Variants in CSMD1 observed in about 807,000 individuals in gnomAD.
The protein encoded by CSMD1 is CUB and Sushi multiple domains 1, also known as CUB and sushi domain-containing protein 1.
CSMD1 carries 213 observed loss-of-function variants against 417.5 expected under a neutral mutation model. That is an observed-to-expected ratio of 0.51 (90% CI 0.46 to 0.57). The LOEUF (loss-of-function observed/expected upper bound fraction) is 0.57. Among genes scored for constraint, CSMD1 ranks in the 20% least tolerant of loss-of-function variants. The pLI, the probability that CSMD1 is intolerant of heterozygous loss-of-function variation, is 0.00. For synonymous variants in CSMD1, 2,862 were observed against 1,736.8 expected, an observed-to-expected ratio of 1.65 and a Z score of -16.11; for missense variants, 6,923 against 4,529.7, an observed-to-expected ratio of 1.53 and a Z score of -15.17.
At chr8:3,721,296 C>A (rs17067134) in intron 6 of CSMD1, among the ~76,000 whole-genome samples, 4,600 of 152,164 alleles carry the variant, frequency 0.03, 230 homozygotes, top group African/African-American at 0.1. Context: ...AGATGAGTGG[C>A]CACATATTCG....
chr8:4,045,387 G>C (rs1798098441), intron 3 of CSMD1, among the ~76,000 whole-genome samples: 2 of 152,154 alleles, frequency 1.3e-5, no homozygotes, highest in East Asian at 3.9e-4. Flanking sequence ...ATTTAAAACA[G>C]TGCTACATTA....
intron 5 of CSMD1, among the ~76,000 whole-genome samples, chr8:3,892,469 A>G (rs1420027386): frequency 1.3e-5 from 2 of 152,080 alleles, no homozygotes; most frequent in African/African-American, 4.8e-5. Flanking sequence ...TTCAGGCCCC[A>G]ACTAAGTTCT....
At position 3,141,837 on chromosome 8, in the gene CSMD1, G is replaced by A. The variant is rs562452949; in HGVS notation, c.6241+628C>T. 1.7e-4 allele frequency among the ~76,000 whole-genome samples: 25 copies of A among 146,030 alleles called. No homozygotes were observed. The South Asian group carries it at 3.2e-3, about 19-fold the overall frequency. On this transcript the variant is annotated intron_variant, in intron 41 of 69. Coordinates refer to ENST00000635120, the MANE Select transcript of CSMD1 (RefSeq NM_033225.6). ...TTCTGAGATGGAGTCTGGCTCTGTCGCCCAGGCTGGAGTGCAGTGGCGCGA... is the reference window on the plus strand; with the variant it reads ...TTCTGAGATGGAGTCTGGCTCTGTCACCCAGGCTGGAGTGCAGTGGCGCGA...
chr8:4,412,362 C>T (rs1353152317), intron 3 of CSMD1, among the ~76,000 whole-genome samples: 2 of 152,138 alleles, frequency 1.3e-5, no homozygotes, highest in Non-Finnish European at 2.9e-5. Context: ...TGGCACCTCT[C>T]ACTCCTCCCC....
At chr8:3,883,098 T>C (rs1806315252) in intron 5 of CSMD1, among the ~76,000 whole-genome samples, 1 of 152,194 alleles carries the variant, frequency 6.6e-6, no homozygotes, top group African/African-American at 2.4e-5. Context: ...AAGAATTCCC[T>C]AAGAATCCTT....
chr8:4,094,493 C>A (rs888624062), intron 3 of CSMD1, among the ~76,000 whole-genome samples: 1 of 152,172 alleles, frequency 6.6e-6, no homozygotes, highest in African/African-American at 2.4e-5. Flanking sequence ...AACGCTGGAG[C>A]AACCACGCAG....
At position 3,535,751 on chromosome 8, in the gene CSMD1, A is replaced by G. The variant is rs148518039; in HGVS notation, c.1344+39194T>C. ...ACTTGATTTTAACCTTCAATTATGT[A>G]GTGCTTGGCAGTTCACACCTTCCCA... is the stretch of plus-strand genomic sequence containing the variant. On this transcript the variant is annotated intron_variant, in intron 10 of 69. Transcript: ENST00000635120. 4.6e-3 allele frequency among the ~76,000 whole-genome samples: 703 copies of G among 152,306 alleles called. 8 individuals carry two copies. Among genetic ancestry groups the G allele is most frequent in the African/African-American group, 0.016 (666 of 41,576 alleles).
At chr8:3,073,670 C>A (rs1332989973) in intron 49 of CSMD1, among the ~76,000 whole-genome samples, 1 of 151,944 alleles carries the variant, frequency 6.6e-6, no homozygotes, top group Non-Finnish European at 1.5e-5. Context: ...ATTTGAAATA[C>A]ATATGACTGA....
chr8:4,120,654 C>T (rs532222273), intron 3 of CSMD1, among the ~76,000 whole-genome samples: 11 of 152,326 alleles, frequency 7.2e-5, no homozygotes, highest in Admixed American at 5.9e-4. Context: ...TAGTCAGTAA[C>T]TTCATCACGT....
rs774930534 is a variant in CSMD1 at position 3,534,536 on chromosome 8, G to C, written c.1344+40409C>G. 8.3e-4 allele frequency among the ~76,000 whole-genome samples: 117 copies of C among 141,412 alleles called. 3 individuals are homozygous for C. In the East Asian group the frequency reaches 0.016, roughly 20 times the overall value. 92.8% of individuals were successfully genotyped at this position (141,412 alleles called of 152,430 possible). Reference sequence around the variant, plus strand: ...TCAATTACAAAAAAAAAAAAAAAAAGAAAAACTTTTCAAAAATTAGTGTAC... The same window carrying C: ...TCAATTACAAAAAAAAAAAAAAAAACAAAAACTTTTCAAAAATTAGTGTAC... On this transcript the variant is annotated intron_variant, in intron 10 of 69. Coordinates refer to ENST00000635120, the MANE Select transcript of CSMD1 (RefSeq NM_033225.6).
chr8:4,369,686 T>C (rs1430435831), intron 3 of CSMD1, among the ~76,000 whole-genome samples: 1 of 152,198 alleles, frequency 6.6e-6, no homozygotes, highest in East Asian at 1.9e-4. Context: ...CCTTTATCAT[T>C]ACGTAATGCC....
Position 3,338,060 on chromosome 8 carries a change from G to C in CSMD1, c.3631+5234C>G, listed in dbSNP as rs1413555083. Among the ~76,000 whole-genome samples the C allele has an allele frequency of 2.0e-5, 3 of 152,206 alleles. No homozygotes were observed. In the East Asian group the frequency reaches 5.8e-4, roughly 29 times the overall value. On this transcript the variant is annotated intron_variant, in intron 23 of 69. Coordinates refer to ENST00000635120, the MANE Select transcript of CSMD1 (RefSeq NM_033225.6). Reference sequence around the variant, plus strand: ...TATCATTCATGAAACTTAATGCCAAGCAGGCGTTGTGGGATTGGAATTGTG... The same window carrying C: ...TATCATTCATGAAACTTAATGCCAACCAGGCGTTGTGGGATTGGAATTGTG...
At chr8:4,230,761 C>G (rs953213614) in intron 3 of CSMD1, among the ~76,000 whole-genome samples, 6 of 151,870 alleles carry the variant, frequency 4.0e-5, no homozygotes, top group African/African-American at 1.5e-4. Flanking sequence ...TAAATTCTAT[C>G]AGTTTTTTTT....
chr8:4,174,026 G>A (rs80058955), intron 3 of CSMD1, among the ~76,000 whole-genome samples: 150 of 152,256 alleles, frequency 9.9e-4, no homozygotes, highest in African/African-American at 3.2e-3. Flanking sequence ...ATGGCCAAGG[G>A]AATGCCCTGA....
At chr8:3,785,059 C>T (rs768782102) in intron 5 of CSMD1, among the ~76,000 whole-genome samples, 22 of 152,176 alleles carry the variant, frequency 1.4e-4, no homozygotes, top group Non-Finnish European at 3.1e-4. Flanking sequence ...GCCCATCTCA[C>T]CCCTCAATAG....
chr8:3,684,247 T>G (rs1201868772), intron 7 of CSMD1, among the ~76,000 whole-genome samples: 1 of 143,136 alleles, frequency 7.0e-6, no homozygotes, highest in African/African-American at 2.5e-5. Flanking sequence ...ATAATTTATA[T>G]ATTATATAAA....
chr8:3,932,183 C>T (rs1584988160), intron 5 of CSMD1, among the ~76,000 whole-genome samples: 1 of 150,264 alleles, frequency 6.7e-6, no homozygotes, highest in African/African-American at 2.5e-5. Context: ...TAACTGTAGA[C>T]ACTGTTTCAT....
At chr8:4,678,201 G>A (rs952150056) in intron 1 of CSMD1, among the ~76,000 whole-genome samples, 20 of 130,744 alleles carry the variant, frequency 1.5e-4, no homozygotes, top group Middle Eastern at 4.2e-3. Context: ...ACATGAGGCC[G>A]GGAGTTCGAG....
At position 3,288,996 on chromosome 8, in the gene CSMD1, T is replaced by G. The variant is rs1263483733; in HGVS notation, c.3951-4650A>C. Among the ~76,000 whole-genome samples the G allele has an allele frequency of 5.0e-5, 7 of 140,732 alleles. No individual in the cohort carries two copies. In the East Asian group the frequency reaches 1.2e-3, roughly 24 times the overall value. 92.3% of individuals were successfully genotyped at this position (140,732 alleles called of 152,430 possible). Reference sequence around the variant, plus strand: ...CCCCACTCCCCCTACCCCACAACAGTCCCCGGTGTGTGATGTTCCCCTTCC... The same window carrying G: ...CCCCACTCCCCCTACCCCACAACAGGCCCCGGTGTGTGATGTTCCCCTTCC... On this transcript the variant is annotated intron_variant, in intron 25 of 69. Transcript: ENST00000635120.
Sources: allele counts gnomAD v4.1 joint callset (sites outside exome capture counted in the v4.1 genomes callset), GRCh38; gene constraint gnomAD v4.1.1; transcripts MANE v1.5; gene names NCBI Gene and HGNC (gene_info 2026-07-23, HGNC 2026-07-21).